Variants in ATP13A2 observed in about 807,000 individuals in gnomAD.
ATP13A2 encodes polyamine-transporting ATPase 13A2.
Under a neutral mutation model 138.3 loss-of-function variants are expected in ATP13A2, and 83 were observed. The ratio of observed to expected loss-of-function variants is 0.60; its 90% CI spans 0.50 to 0.72. ATP13A2 has a LOEUF of 0.72. Ranked by LOEUF, ATP13A2 falls within the 30% of genes least tolerant of loss-of-function variation. The pLI is 0.00. For synonymous variants in ATP13A2, 663 were observed against 699.0 expected, an observed-to-expected ratio of 0.95 and a Z score of 0.81; for missense variants, 1,402 against 1,606.4, an observed-to-expected ratio of 0.87 and a Z score of 2.17.
rs758709320 is a variant in ATP13A2, at chr1:16,988,195, G to A, written c.2802C>T (p.Phe934=). 15 of 1,614,088 alleles carry A rather than the reference G, an allele frequency of 9.3e-6. No homozygotes were observed. Among genetic ancestry groups the A allele is most frequent in the African/African-American group, 5.3e-5 (4 of 74,938 alleles). Residue 934 remains phenylalanine, a synonymous_variant, in exon 25 of 29, where the codon TTC becomes TTT. Transcript: ENST00000326735. The part of the protein sequence containing the change: ...RCSLDTSFSV[F]KYMALYSLTQ... The stretch of plus-strand genomic sequence containing the variant: ...TCAGGCTGTACAGAGCCATGTACTT[G>A]AAGACGCTGAACGAAGTGTCAAGGG...
At chr1:16,989,807 C>T in intron 22 of ATP13A2, 37 bp from the exon 23 acceptor site, 1 of 1,612,430 alleles carries the variant, frequency 6.2e-7, no homozygotes, top group Non-Finnish European at 8.5e-7. Flanking sequence ...GCTGAGGCAC[C>T]CACCAGGGAG....
chr1:17,000,012 T>A lies in ATP13A2; in HGVS notation c.1038A>T (p.Thr346=). The change falls in exon 11 of 29, where the codon ACA becomes ACT. Residue 346 remains threonine (T), a splice_region_variant and synonymous_variant. Coordinates refer to ENST00000326735, the MANE Select transcript of ATP13A2 (RefSeq NM_022089.4). The part of the protein sequence containing the change: ...GECMVNESSL[T]GESIPVLKTA... ...GCAGGCCAGGGGCTGGGGGCTCACC[T>A]GTCAGAGAGCTCTCATTCACCATGC... The A allele has an allele frequency of 6.2e-7, 1 of 1,605,666 alleles. No homozygotes were observed. The highest frequency in any genetic ancestry group is 8.5e-7 in the Non-Finnish European group (1 of 1,175,534).
At chr1:16,996,187 T>G in intron 14 of ATP13A2, 23 bp from the exon 15 acceptor site, 1 of 1,614,118 alleles carries the variant, frequency 6.2e-7, no homozygotes, top group Non-Finnish European at 8.5e-7. Context: ...ACCATGAATG[T>G]GAGCACCTGG....
rs568172228 is a variant in ATP13A2, at chr1:16,995,580, T to C, written c.1542+396A>G. ...CTCCTGCCTCAGCCTCCCGAGTAGCTGGGATTACAAGCATGTGCCATCATG... is the reference window on the plus strand; with the variant it reads ...CTCCTGCCTCAGCCTCCCGAGTAGCCGGGATTACAAGCATGTGCCATCATG... On this transcript the variant is annotated intron_variant, in intron 15 of 28. Coordinates refer to ENST00000326735, the MANE Select transcript of ATP13A2 (RefSeq NM_022089.4). This position sits in a 1 kb window ranked among gnomAD's most constrained non-coding sequence, Gnocchi z 4.1. The C allele has an allele frequency of 2.7e-5, 9 of 339,088 alleles. No homozygotes were observed. In the East Asian group the frequency reaches 6.3e-4, roughly 24 times the overall value. 21.0% of individuals were successfully genotyped at this position (339,088 alleles called of 1,614,324 possible).
rs1456886008 is a variant in ATP13A2 at position 16,986,829 on chromosome 1, A to G, written c.3211T>C (p.Phe1071Leu). 3 of 1,612,406 alleles carry G rather than the reference A, an allele frequency of 1.9e-6. No homozygotes were observed. The African/African-American group carries it at 4.0e-5, about 22-fold the overall frequency. Residue 1071 changes from phenylalanine to leucine, a missense_variant, in exon 27 of 29, where the codon TTC becomes CTC. By Grantham distance (22) the Phe-to-Leu change is conservative. Transcript: ENST00000326735. The surrounding 1 kb of genome is among the most constrained non-coding windows in gnomAD (Gnocchi z 6.9). The part of the protein sequence containing the change: ...LAAAVSKGAP[F>L]RRPLYTNVPF... ...CCATTGGTGTAGAGCGGCCGGCGGA[A>G]GGGCGCCCCCTTGGACACGGCTGCA...
intron 1 of ATP13A2, among the ~76,000 whole-genome samples, chr1:17,010,573 G>T (rs1352435479): frequency 1.3e-5 from 2 of 152,212 alleles, no homozygotes; most frequent in Non-Finnish European, 2.9e-5. Context: ...AGCTTGAAAG[G>T]GGAGAAGCTG....
chr1:16,990,251 C>T lies in ATP13A2; in HGVS notation c.2288G>A (p.Gly763Asp), dbSNP rs750813148. Residue 763 changes from glycine to aspartate, a missense_variant, in exon 21 of 29, where the codon GGC becomes GAC. Physicochemically the swap from Gly to Asp is moderately conservative, Grantham distance 94. Transcript: ENST00000326735. ...NLQTAVTVAR[G>D]CGMVAPQEHL... Reference sequence around the variant, plus strand: ...CTCCTGGGGGGCCACCATGCCACAGCCCCGGGCCACAGTCACCGCTGTCTG... The same window carrying T: ...CTCCTGGGGGGCCACCATGCCACAGTCCCGGGCCACAGTCACCGCTGTCTG... 3 of 1,613,932 alleles carry T rather than the reference C, an allele frequency of 1.9e-6. No homozygotes were observed. The African/African-American group carries it at 4.0e-5, about 22-fold the overall frequency.
At chr1:17,008,171 C>T (rs1271865798) in intron 1 of ATP13A2, among the ~76,000 whole-genome samples, 2 of 152,160 alleles carry the variant, frequency 1.3e-5, no homozygotes, top group African/African-American at 4.8e-5. Flanking sequence ...TTGAGACAGT[C>T]TCTCTCTGTC....
chr1:17,005,933 G>A (rs1191372170), intron 1 of ATP13A2, among the ~76,000 whole-genome samples, 155 bp from the exon 2 acceptor site: 5 of 152,132 alleles, frequency 3.3e-5, no homozygotes, highest in African/African-American at 1.2e-4. Context: ...TTAGAAGTTC[G>A]AGATCAACCT....
At chr1:17,000,194 G>GGGGGGGC in intron 10 of ATP13A2, 52 bp from the exon 11 acceptor site, 2 of 1,570,176 alleles carry the variant, frequency 1.3e-6, no homozygotes, top group Non-Finnish European at 1.7e-6. Flanking sequence ...CCCCAGCCAT[G>GGGGGGGC]CCCCCCCACC....
At chr1:17,010,084 C>T (rs1196098368) in intron 1 of ATP13A2, among the ~76,000 whole-genome samples, 19 of 137,918 alleles carry the variant, frequency 1.4e-4, no homozygotes, top group African/African-American at 5.1e-4. Flanking sequence ...ATGGAGTCTT[C>T]CCCCCCCGTT....
chr1:17,005,810 G>A, intron 1 of ATP13A2, 32 bp from the exon 2 acceptor site: 1 of 1,572,290 alleles, frequency 6.4e-7, no homozygotes, highest in Non-Finnish European at 8.7e-7. Context: ...GTCATTTGGG[G>A]AGGCACCTTC....
intron 19 of ATP13A2, 64 bp from the exon 20 acceptor site, chr1:16,991,922 A>G (rs1455713314): frequency 7.4e-6 from 12 of 1,612,572 alleles, no homozygotes; most frequent in Non-Finnish European, 1.0e-5. Context: ...CCCAGCCACC[A>G]GGCAGGGCAT....
At position 16,987,168 on chromosome 1, in the gene ATP13A2, C is replaced by G; in HGVS notation, c.2961G>C (p.Leu987=). ...GCGCCCCCGGTGGCCGCACCCGTCCCAGGACCAGCGCTGGCCCCGTGCGGC... is the reference window on the plus strand; with the variant it reads ...GCGCCCCCGGTGGCCGCACCCGTCCGAGGACCAGCGCTGGCCCCGTGCGGC... ...LMSRTGPALV[L]GRVRPPGALL... The change falls in exon 26 of 29, where the codon CTG becomes CTC. Residue 987 remains leucine, a synonymous_variant. Coordinates refer to ENST00000326735, the MANE Select transcript of ATP13A2 (RefSeq NM_022089.4). 1 of 1,613,528 alleles carries G rather than the reference C, an allele frequency of 6.2e-7. No homozygotes were observed. Among genetic ancestry groups the G allele is most frequent in the Non-Finnish European group, 8.5e-7 (1 of 1,179,824 alleles).
Position 16,997,124 on chromosome 1 carries a change from T to G in ATP13A2, c.1091A>C (p.Tyr364Ser), listed in dbSNP as rs138996866. 2.5e-6 allele frequency: 4 copies of G among 1,613,530 alleles called. No homozygotes were observed. In the African/African-American group the frequency reaches 5.3e-5, roughly 22 times the overall value. ...GTGCCGCCGGTGTGTCTCTGCACAGTAGGGCCCCAGCCCCTCCGGCAGTGC... is the reference window on the plus strand; with the variant it reads ...GTGCCGCCGGTGTGTCTCTGCACAGGAGGGCCCCAGCCCCTCCGGCAGTGC... ...KTALPEGLGP[Y>S]CAETHRRHTL... Residue 364 changes from tyrosine (Y) to serine (S), a missense_variant, in exon 12 of 29, where the codon TAC becomes TCC. Transcript: ENST00000326735.
chr1:17,009,228 G>A (rs531068746), intron 1 of ATP13A2, among the ~76,000 whole-genome samples: 1 of 152,232 alleles, frequency 6.6e-6, no homozygotes, highest in Admixed American at 6.5e-5. Flanking sequence ...GCTCAGATGG[G>A]TGTCACTGCC....
At chr1:16,988,076 A>AG (rs2100679118) in intron 25 of ATP13A2, 62 bp downstream of exon 25, 1 of 1,466,626 alleles carries the variant, frequency 6.8e-7, no homozygotes, top group Non-Finnish European at 9.5e-7. Context: ...TCCAAGGCAC[A>AG]GGGCTGTGTC....
At chr1:16,991,103 C>T (rs1253050882) in intron 20 of ATP13A2, among the ~76,000 whole-genome samples, 1 of 152,036 alleles carries the variant, frequency 6.6e-6, no homozygotes, top group East Asian at 1.9e-4. Flanking sequence ...GCATCCACCA[C>T]CATACCTGGC....
Position 17,003,585 on chromosome 1 carries a change from CCACACACACACACACACA to C in ATP13A2, c.557+729_557+746del, listed in dbSNP as rs540533484. ...AAAACAAACAAACAAACCAAAAAAA[CCACACACACACACACACA>C]CACACACACACACACACACATACAC... On this transcript the variant is annotated intron_variant, in intron 6 of 28. Coordinates refer to ENST00000326735, the MANE Select transcript of ATP13A2 (RefSeq NM_022089.4). Among the ~76,000 whole-genome samples, 20 of 133,056 alleles carry C rather than the reference CCACACACACACACACACA, an allele frequency of 1.5e-4. No homozygotes were observed. In the South Asian group the frequency reaches 4.6e-3, roughly 31 times the overall value. The allele number at this position is 133,056 out of a possible 152,430, so 87.3% of individuals were successfully genotyped here. A position where few individuals can be genotyped will look rare whatever the true frequency, so the allele number is the denominator to read the frequency against.
Sources: allele counts gnomAD v4.1 joint callset (sites outside exome capture counted in the v4.1 genomes callset), GRCh38; gene constraint gnomAD v4.1.1; non-coding constraint Gnocchi (gnomAD v3.1); transcripts MANE v1.5; gene names NCBI Gene and HGNC (gene_info 2026-07-23, HGNC 2026-07-21).